CD247: variants seen among roughly 807,000 people sequenced by gnomAD.
CD247 encodes CD247 molecule, also known as T-cell surface glycoprotein CD3 zeta chain.
A neutral mutation model predicts 30.0 loss-of-function variants in CD247; 13 were observed. That is an observed-to-expected ratio of 0.43 (90% CI 0.28 to 0.69). The LOEUF (loss-of-function observed/expected upper bound fraction) is 0.69. Among genes scored for constraint, CD247 ranks in the 30% least tolerant of loss-of-function variants. The pLI is 0.16. For missense variants in CD247, 193 were observed against 212.6 expected (o/e 0.91, Z 0.57); for synonymous variants, 72 against 80.0 (o/e 0.90, Z 0.53).
intron 4 of CD247, 60 bp downstream of exon 4, chr1:167,438,510 A>C: frequency 7.4e-7 from 1 of 1,358,880 alleles, no homozygotes; most frequent in South Asian, 1.2e-5. Flanking sequence ...CCTCCCCCAC[A>C]GCCTGGGCTG....
At chr1:167,474,030 C>T (rs1653647627) in intron 1 of CD247, among the ~76,000 whole-genome samples, 1 of 152,152 alleles carries the variant, frequency 6.6e-6, no homozygotes, top group Admixed American at 6.5e-5. Flanking sequence ...TGCACACCCT[C>T]TCCCTTCACC....
chr1:167,517,307 G>A (rs1212869730), intron 1 of CD247, among the ~76,000 whole-genome samples: 2 of 152,222 alleles, frequency 1.3e-5, no homozygotes, highest in African/African-American at 4.8e-5. Context: ...CCTCCCAACA[G>A]GGCCCCTAAA....
chr1:167,513,829 A>G (rs1655491190), intron 1 of CD247, among the ~76,000 whole-genome samples: 1 of 152,202 alleles, frequency 6.6e-6, no homozygotes, highest in African/African-American at 2.4e-5. Flanking sequence ...AATAGTGGAA[A>G]TTTCATATGG....
rs1651714237 is a variant in CD247 at position 167,439,397 on chromosome 1, T to C, written c.166A>G (p.Ser56Gly). ...TACGCGGGGGCGTCTGCGCTCCTGC[T>C]GAACTGCAACACAGAAAGCAAAGCG... Reference protein sequence around the residue: ...LTALFLRVKFSRSADAPAYQQ... With the variant: ...LTALFLRVKFGRSADAPAYQQ... The change falls in exon 3 of 8, where the codon AGC becomes GGC. Residue 56 changes from serine to glycine, a missense_variant. Ser to Gly is a moderately conservative substitution (Grantham distance 56). Coordinates refer to ENST00000362089, the MANE Select transcript of CD247 (RefSeq NM_198053.3). 1.2e-6 allele frequency: 2 copies of C among 1,614,086 alleles called. No individual in the cohort carries two copies. The highest frequency in any genetic ancestry group is 1.7e-6 in the Non-Finnish European group (2 of 1,179,918).
At chr1:167,436,701 T>C (rs1651558641) in intron 4 of CD247, among the ~76,000 whole-genome samples, 1 of 152,114 alleles carries the variant, frequency 6.6e-6, no homozygotes, top group Non-Finnish European at 1.5e-5. Context: ...AGAAGACATA[T>C]AAATGGCTAA....
chr1:167,474,081 C>A (rs1558015083), intron 1 of CD247, among the ~76,000 whole-genome samples: 1 of 152,104 alleles, frequency 6.6e-6, no homozygotes. Flanking sequence ...ACCAGAGATA[C>A]CCCACTTCCT....
intron 1 of CD247, among the ~76,000 whole-genome samples, chr1:167,445,213 A>AC (rs1652023730): frequency 6.6e-6 from 1 of 152,188 alleles, no homozygotes; most frequent in African/African-American, 2.4e-5. Context: ...GGCATGAGCC[A>AC]CCGTGCCTGG....
At chr1:167,469,228 C>G (rs577054093) in intron 1 of CD247, among the ~76,000 whole-genome samples, 12 of 152,104 alleles carry the variant, frequency 7.9e-5, no homozygotes, top group East Asian at 1.9e-4. Context: ...AGTGATCTGC[C>G]CCCCCTCAGC....
intron 1 of CD247, among the ~76,000 whole-genome samples, chr1:167,470,504 T>TAAAAAAAAAAAAAAAAAAAAAAA (rs55679205): frequency 8.2e-6 from 1 of 122,496 alleles, no homozygotes; most frequent in African/African-American, 3.3e-5. Flanking sequence ...ATGTTAATTG[T>TAAAAAAAAAAAAAAAAAAAAAAA]AAAAAAAAAA....
At chr1:167,516,761 G>A (rs1340139725) in intron 1 of CD247, among the ~76,000 whole-genome samples, 1 of 152,184 alleles carries the variant, frequency 6.6e-6, no homozygotes, top group Non-Finnish European at 1.5e-5. Flanking sequence ...CCAATGTGCA[G>A]TTTTCTCCTC....
intron 1 of CD247, among the ~76,000 whole-genome samples, chr1:167,472,441 T>C (rs1311554912): frequency 6.6e-6 from 1 of 152,240 alleles, no homozygotes; most frequent in Non-Finnish European, 1.5e-5. Context: ...CCAAATGTGT[T>C]TGTATGCACT....
intron 1 of CD247, among the ~76,000 whole-genome samples, chr1:167,502,884 C>A (rs913581675): frequency 6.6e-6 from 1 of 152,184 alleles, no homozygotes; most frequent in Non-Finnish European, 1.5e-5. Context: ...TCCTGCACAG[C>A]CCTCAGAAGG....
rs186017288 is a variant in CD247, at chr1:167,492,883, G to T, written c.58+25525C>A. Among the ~76,000 whole-genome samples the T allele has an allele frequency of 7.9e-5, 12 of 152,274 alleles. No homozygotes were observed. In the East Asian group the frequency reaches 1.4e-3, roughly 17 times the overall value. On this transcript the variant is annotated intron_variant, in intron 1 of 7. Transcript: ENST00000362089. ...GGAGCTATCATGGCGTCTGCTAGGG[G>T]CAGAGAGGAAGGGGAGGCAGGAAAG... is the stretch of plus-strand genomic sequence containing the variant.
chr1:167,462,424 G>A (rs1653063292), intron 1 of CD247, among the ~76,000 whole-genome samples: 1 of 152,232 alleles, frequency 6.6e-6, no homozygotes, highest in African/African-American at 2.4e-5. Context: ...TGGCAAAGCT[G>A]TGCCTCCTAT....
At chr1:167,437,151 G>A (rs1206327100) in intron 4 of CD247, among the ~76,000 whole-genome samples, 7 of 152,060 alleles carry the variant, frequency 4.6e-5, no homozygotes, top group East Asian at 3.9e-4. Context: ...GCCTGGAATC[G>A]CAGCACTTTG....
At chr1:167,501,180 G>A (rs910439286) in intron 1 of CD247, among the ~76,000 whole-genome samples, 37 of 150,052 alleles carry the variant, frequency 2.5e-4, no homozygotes, top group African/African-American at 8.1e-4. Context: ...TCAGCCTCCC[G>A]AGTAGCTGGG....
intron 4 of CD247, among the ~76,000 whole-genome samples, chr1:167,436,195 A>G (rs2101989882): frequency 6.6e-6 from 1 of 152,366 alleles, no homozygotes; most frequent in Non-Finnish European, 1.5e-5. Context: ...CACCACATTA[A>G]CAGAATGAAG....
intron 1 of CD247, among the ~76,000 whole-genome samples, chr1:167,444,522 C>A (rs910521591): frequency 5.3e-5 from 8 of 152,156 alleles, no homozygotes; most frequent in Admixed American, 1.3e-4. Flanking sequence ...CCCAGGAGAA[C>A]CTCAGCATCT....
chr1:167,486,927 A>T (rs1654232042), intron 1 of CD247, among the ~76,000 whole-genome samples: 1 of 151,866 alleles, frequency 6.6e-6, no homozygotes, highest in Non-Finnish European at 1.5e-5. Context: ...CACAAAAATT[A>T]GCCAGGCGTG....
Sources: allele counts gnomAD v4.1 joint callset (sites outside exome capture counted in the v4.1 genomes callset), GRCh38; gene constraint gnomAD v4.1.1; transcripts MANE v1.5; gene names NCBI Gene and HGNC (gene_info 2026-07-23, HGNC 2026-07-21).